Variants in NEDD4L observed in about 807,000 individuals in gnomAD.
The protein encoded by NEDD4L is E3 ubiquitin-protein ligase NEDD4-like.
In NEDD4L, 54 loss-of-function variants were observed where a neutral mutation model predicts 148.9. The observed-to-expected ratio is 0.36, with a 90% confidence interval of 0.29 to 0.45. The LOEUF (loss-of-function observed/expected upper bound fraction) is 0.45. NEDD4L is among the 20% of genes least tolerant of loss of function. The pLI, the probability that NEDD4L is intolerant of heterozygous loss-of-function variation, is 1.00. For synonymous variants in NEDD4L, 433 were observed against 440.7 expected (o/e 0.98, Z 0.22); for missense variants, 856 against 1,233.8 (o/e 0.69, Z 4.59).
chr18:58,370,369 A>AC (rs767919509), intron 22 of NEDD4L, 28 bp from the exon 23 acceptor site: 1 of 1,467,484 alleles, frequency 6.8e-7, no homozygotes, highest in Non-Finnish European at 9.6e-7. Context: ...AAGACCTGAA[A>AC]CTAAACCCAG....
At chr18:58,047,637 C>T (rs767972262) in intron 1 of NEDD4L, 44 of 389,510 alleles carry the variant, frequency 1.1e-4, no homozygotes, top group Non-Finnish European at 1.4e-4. Context: ...AGTCATGTCA[C>T]TTTAGGTAGC....
chr18:58,371,646 C>T lies in NEDD4L; in HGVS notation c.2256+1179C>T, dbSNP rs1018976234. 8 of 152,856 alleles carry T rather than the reference C, an allele frequency of 5.2e-5. No homozygotes were observed. In the South Asian group the frequency reaches 6.2e-4, roughly 12 times the overall value. 9.5% of individuals were successfully genotyped at this position (152,856 alleles called of 1,614,324 possible). A position where few individuals can be genotyped will look rare whatever the true frequency, so the allele number is the denominator to read the frequency against. On this transcript the variant is annotated intron_variant, in intron 23 of 30. Coordinates refer to ENST00000400345, the MANE Select transcript of NEDD4L (RefSeq NM_001144967.3). ...GAGCTGTGTCCTCGGCCCTGACCAG[C>T]GCTGACTCAGTGTTTCTGTTGCTCC...
intron 5 of NEDD4L, among the ~76,000 whole-genome samples, chr18:58,282,731 T>C (rs905813623): frequency 2.6e-5 from 4 of 152,186 alleles, no homozygotes; most frequent in Non-Finnish European, 5.9e-5. Flanking sequence ...TATGAGCTCA[T>C]GAAATGGACT....
intron 1 of NEDD4L, among the ~76,000 whole-genome samples, chr18:58,057,694 A>G (rs2082149393): frequency 6.6e-6 from 1 of 152,162 alleles, no homozygotes; most frequent in South Asian, 2.1e-4. Context: ...TTTTGTGTCT[A>G]GTCAATTCCA....
chr18:58,172,171 C>T (rs544809425), intron 2 of NEDD4L, among the ~76,000 whole-genome samples: 1 of 152,142 alleles, frequency 6.6e-6, no homozygotes, highest in Non-Finnish European at 1.5e-5. Context: ...TGTGGCCATC[C>T]TTCCATAGAG....
At chr18:58,162,461 G>A (rs2036340398) in intron 1 of NEDD4L, among the ~76,000 whole-genome samples, 1 of 151,888 alleles carries the variant, frequency 6.6e-6, no homozygotes, top group South Asian at 2.1e-4. Context: ...CGCCAAAGAA[G>A]CCTTTCCTGA....
At chr18:58,148,678 G>A (rs1054323044) in intron 1 of NEDD4L, among the ~76,000 whole-genome samples, 1 of 152,172 alleles carries the variant, frequency 6.6e-6, no homozygotes, top group East Asian at 1.9e-4. Flanking sequence ...GGGCCCACCC[G>A]TGTGACCTCA....
chr18:58,357,952 G>C (rs1295386647), intron 19 of NEDD4L, among the ~76,000 whole-genome samples: 1 of 152,166 alleles, frequency 6.6e-6, no homozygotes, highest in Non-Finnish European at 1.5e-5. Flanking sequence ...CACACCACCA[G>C]CTTTTGTCAG....
intron 5 of NEDD4L, among the ~76,000 whole-genome samples, chr18:58,305,848 C>T (rs774420212): frequency 9.0e-5 from 13 of 144,986 alleles, no homozygotes; most frequent in South Asian, 2.4e-4. Context: ...ATTGTTGTGT[C>T]GGGTGGGGAG....
chr18:58,129,779 C>T (rs531411611), intron 1 of NEDD4L, among the ~76,000 whole-genome samples: 23 of 137,642 alleles, frequency 1.7e-4, no homozygotes, highest in South Asian at 2.5e-4. Context: ...TGGTTGTGAG[C>T]GGAACTGTGG....
chr18:58,113,493 C>T (rs1568233628), intron 1 of NEDD4L, among the ~76,000 whole-genome samples: 1 of 152,092 alleles, frequency 6.6e-6, no homozygotes, highest in Non-Finnish European at 1.5e-5. Flanking sequence ...CAGGAAAAAT[C>T]TTTAGCTGAG....
chr18:58,276,180 G>A (rs72951147), intron 5 of NEDD4L, among the ~76,000 whole-genome samples: 1 of 145,488 alleles, frequency 6.9e-6, no homozygotes, highest in African/African-American at 2.6e-5. Flanking sequence ...GATTTAATGT[G>A]CATTTTCTTT....
intron 1 of NEDD4L, among the ~76,000 whole-genome samples, chr18:58,073,970 G>C (rs1003853532): frequency 3.9e-5 from 6 of 152,114 alleles, no homozygotes; most frequent in African/African-American, 1.4e-4. Flanking sequence ...TGCAAACTTG[G>C]GGCATTTGTA....
chr18:58,328,905 C>T (rs1305098333), intron 9 of NEDD4L, 90 bp from the exon 10 acceptor site: 1 of 1,456,416 alleles, frequency 6.9e-7, no homozygotes, highest in Non-Finnish European at 9.5e-7. Flanking sequence ...CTTTAGTGGC[C>T]ATCTGGCCCT....
At chr18:58,289,267 T>C (rs2054362726) in intron 5 of NEDD4L, among the ~76,000 whole-genome samples, 2 of 152,164 alleles carry the variant, frequency 1.3e-5, no homozygotes, top group Admixed American at 6.5e-5. Flanking sequence ...TTAAACTTTT[T>C]GTTGCGTGAG....
chr18:58,054,249 C>T (rs1040256955), intron 1 of NEDD4L, among the ~76,000 whole-genome samples: 3 of 152,230 alleles, frequency 2.0e-5, no homozygotes, highest in African/African-American at 7.2e-5. Flanking sequence ...CACAAACTTA[C>T]TTACGAATCT....
intron 1 of NEDD4L, among the ~76,000 whole-genome samples, chr18:58,073,320 G>T (rs1371959723): frequency 1.3e-5 from 2 of 152,080 alleles, no homozygotes; most frequent in Non-Finnish European, 2.9e-5. Context: ...AAAGCTGGAA[G>T]ACTCACACTT....
Position 58,172,290 on chromosome 18 carries a change from C to G in NEDD4L, c.122+6429C>G, listed in dbSNP as rs1220687293. Among the ~76,000 whole-genome samples the G allele has an allele frequency of 2.6e-5, 4 of 152,310 alleles. No individual in the cohort carries two copies. In the East Asian group the frequency reaches 7.7e-4, roughly 29 times the overall value. On this transcript the variant is annotated intron_variant, in intron 2 of 30. Coordinates refer to ENST00000400345, the MANE Select transcript of NEDD4L (RefSeq NM_001144967.3). ...ACAGCAGCAGGAACCTCAGGCTTAG[C>G]AGACCACTGACTCTTCTGGAAGTCT...
At chr18:58,236,348 C>A (rs578256853) in intron 2 of NEDD4L, among the ~76,000 whole-genome samples, 1 of 151,552 alleles carries the variant, frequency 6.6e-6, no homozygotes, top group South Asian at 2.1e-4. Flanking sequence ...CAGAGCGAGA[C>A]CCTGTCTCAA....
Sources: gnomAD v4.1 joint callset for allele counts (sites outside exome capture counted in the v4.1 genomes callset) on GRCh38, gnomAD v4.1.1 for gene constraint, MANE v1.5 for transcripts, NCBI Gene and HGNC (gene_info 2026-07-23, HGNC 2026-07-21) for gene names.